Variants in ZCCHC4 observed in about 807,000 individuals in gnomAD.
ZCCHC4 encodes zinc finger CCHC-type containing 4.
ZCCHC4 carries 54 observed loss-of-function variants against 67.7 expected under a neutral mutation model. That is an observed-to-expected ratio of 0.80 (90% CI 0.64 to 1.00). ZCCHC4 has a LOEUF of 1.00. ZCCHC4 is among the 50% of genes least tolerant of loss of function. ZCCHC4 has a pLI of 0.00. For missense variants in ZCCHC4, 609 were observed against 617.0 expected (o/e 0.99, Z 0.14); for synonymous variants, 198 against 213.5 (o/e 0.93, Z 0.63).
intron 3 of ZCCHC4, among the ~76,000 whole-genome samples, chr4:25,331,147 C>A (rs1042042573): frequency 6.6e-6 from 1 of 152,196 alleles, no homozygotes; most frequent in Admixed American, 6.5e-5. Context: ...GTACCACTCA[C>A]CTCTGTTCCC....
chr4:25,328,227 C>T (rs992585449), intron 3 of ZCCHC4, among the ~76,000 whole-genome samples: 1 of 152,108 alleles, frequency 6.6e-6, no homozygotes, highest in Admixed American at 6.5e-5. Flanking sequence ...TATCTCTGTT[C>T]GTCTGTACAG....
chr4:25,333,817 C>T lies in ZCCHC4; in HGVS notation c.606-91C>T, dbSNP rs901081729. The T allele has an allele frequency of 1.3e-5, 12 of 895,400 alleles. No homozygotes were observed. The Admixed American group carries it at 3.6e-4, about 27-fold the overall frequency. 55.5% of individuals were successfully genotyped at this position (895,400 alleles called of 1,614,324 possible). On this transcript the variant is annotated intron_variant, in intron 4 of 12. Transcript: ENST00000302874. ...TGTTTCATTGAAATATCATAAATACCAGAAGAACATTGATGGTTTTGTTGT... is the reference window on the plus strand; with the variant it reads ...TGTTTCATTGAAATATCATAAATACTAGAAGAACATTGATGGTTTTGTTGT...
intron 3 of ZCCHC4, among the ~76,000 whole-genome samples, chr4:25,316,416 C>A (rs1560395669): frequency 6.6e-6 from 1 of 152,212 alleles, no homozygotes; most frequent in Non-Finnish European, 1.5e-5. Context: ...AGTGGCTGCA[C>A]CATTTTACAT....
rs1289408370 is a variant in ZCCHC4, at chr4:25,333,826, A to C, written c.606-82A>C. Reference sequence around the variant, plus strand: ...GAAATATCATAAATACCAGAAGAACATTGATGGTTTTGTTGTTTGTTTGTT... The same window carrying C: ...GAAATATCATAAATACCAGAAGAACCTTGATGGTTTTGTTGTTTGTTTGTT... On this transcript the variant is annotated intron_variant, in intron 4 of 12. Transcript: ENST00000302874. The C allele has an allele frequency of 1.3e-5, 13 of 963,798 alleles. No individual in the cohort carries two copies. The East Asian group carries it at 3.4e-4, about 26-fold the overall frequency. 59.7% of individuals were successfully genotyped at this position (963,798 alleles called of 1,614,324 possible). A position where few individuals can be genotyped will look rare whatever the true frequency, so the allele number is the denominator to read the frequency against.
At position 25,362,249 on chromosome 4, in the gene ZCCHC4, A is replaced by G. The variant is rs767958045; in HGVS notation, c.1157A>G (p.Tyr386Cys). 1.2e-6 allele frequency: 2 copies of G among 1,611,556 alleles called. No individual in the cohort carries two copies. Among genetic ancestry groups the G allele is most frequent in the Non-Finnish European group, 1.7e-6 (2 of 1,178,546 alleles). ...GYRFCSPCQR[Y>C]VSLENQHCEL... ...AGATTTTGCTCTCCGTGTCAACGGTATGTTTCTCTAGAGAATCAACACTGT... is the reference window on the plus strand; with the variant it reads ...AGATTTTGCTCTCCGTGTCAACGGTGTGTTTCTCTAGAGAATCAACACTGT... Residue 386 changes from tyrosine (Y) to cysteine (C), a missense_variant, in exon 10 of 13, where the codon TAT becomes TGT. Coordinates refer to ENST00000302874, the MANE Select transcript of ZCCHC4 (RefSeq NM_024936.3).
intron 3 of ZCCHC4, among the ~76,000 whole-genome samples, chr4:25,324,292 G>A (rs113667170): frequency 0.014 from 2,101 of 152,052 alleles, 53 homozygotes; most frequent in African/African-American, 0.047. Flanking sequence ...TGGGATTACA[G>A]GCATGAGCCA....
chr4:25,366,420 A>G, intron 12 of ZCCHC4: 1 of 339,862 alleles, frequency 2.9e-6, no homozygotes, highest in Non-Finnish European at 4.1e-6. Context: ...GGTTCATGCC[A>G]TTCTCCTGCC....
At chr4:25,312,968 C>T (rs757250201) in intron 1 of ZCCHC4, 32 bp downstream of exon 1, 4 of 1,607,144 alleles carry the variant, frequency 2.5e-6, no homozygotes, top group Non-Finnish European at 3.4e-6. Context: ...GCCTAACTGC[C>T]GGGCGCTGAG....
At chr4:25,367,727 T>C (rs1268202310) in intron 12 of ZCCHC4, among the ~76,000 whole-genome samples, 1 of 152,202 alleles carries the variant, frequency 6.6e-6, no homozygotes, top group African/African-American at 2.4e-5. Context: ...CCCTAGTCCA[T>C]AGTGCAAAAT....
In ZCCHC4 at chr4:25,343,459, G is replaced by A. The variant is rs148524577; in HGVS notation, c.687-2089G>A. Among the ~76,000 whole-genome samples, 336 of 152,202 alleles carry A rather than the reference G, an allele frequency of 2.2e-3. 2 individuals carry two copies. The highest frequency in any genetic ancestry group is 7.7e-3 in the African/African-American group (319 of 41,524). ...GAGGCATTAAGACATAAATATTTAC[G>A]CTGCTAATTATTAAAATAACAGTAA... On this transcript the variant is annotated intron_variant, in intron 5 of 12. Transcript: ENST00000302874.
At chr4:25,367,827 T>C (rs1458217740) in intron 12 of ZCCHC4, among the ~76,000 whole-genome samples, 1 of 152,226 alleles carries the variant, frequency 6.6e-6, no homozygotes, top group Non-Finnish European at 1.5e-5. Context: ...TGAGTGATTA[T>C]TATATGGTTA....
intron 6 of ZCCHC4, among the ~76,000 whole-genome samples, chr4:25,347,923 A>G (rs926156102): frequency 1.3e-5 from 2 of 152,222 alleles, no homozygotes; most frequent in Admixed American, 6.5e-5. Flanking sequence ...GTAAGCAAGT[A>G]TCTATTTCCC....
At position 25,364,977 on chromosome 4, in the gene ZCCHC4, T is replaced by G. The variant is rs771752437; in HGVS notation, c.1262-45T>G. On this transcript the variant is annotated intron_variant, in intron 11 of 12. Transcript: ENST00000302874. ...CCTTAAAAGTTAATAAGATGAAAAA[T>G]TACGTTACATGAACTTCCTTTAAAA... 3 of 1,609,332 alleles carry G rather than the reference T, an allele frequency of 1.9e-6. No homozygotes were observed. The East Asian group carries it at 6.7e-5, about 36-fold the overall frequency.
chr4:25,354,905 C>CTTTTTT lies in ZCCHC4; in HGVS notation c.1011+3231_1011+3236dup, dbSNP rs61156499. On this transcript the variant is annotated intron_variant, in intron 8 of 12. Transcript: ENST00000302874. ...CTTTTCCCATAGACCTTGATTAGGC[C>CTTTTTT]TTTTTTTTTTTTTTTTTTTTGGACA... Among the ~76,000 whole-genome samples, 8 of 101,550 alleles carry CTTTTTT rather than the reference C, an allele frequency of 7.9e-5. 1 individual carries two copies. Among genetic ancestry groups the CTTTTTT allele is most frequent in the African/African-American group, 7.9e-5 (2 of 25,412 alleles). The allele number at this position is 101,550 out of a possible 152,430, so 66.6% of individuals were successfully genotyped here.
intron 3 of ZCCHC4, among the ~76,000 whole-genome samples, chr4:25,321,172 GTC>G (rs1033693174): frequency 6.6e-6 from 1 of 151,950 alleles, no homozygotes; most frequent in African/African-American, 2.4e-5. Context: ...TTCTCTGTCT[GTC>G]TCTTTCTTTC....
chr4:25,316,803 T>C (rs1209398847), intron 3 of ZCCHC4, among the ~76,000 whole-genome samples: 2 of 152,216 alleles, frequency 1.3e-5, no homozygotes, highest in Non-Finnish European at 2.9e-5. Context: ...ACACAAGAGT[T>C]TTAATTTTGA....
intron 10 of ZCCHC4, among the ~76,000 whole-genome samples, chr4:25,362,808 C>G (rs1197121578): frequency 6.6e-6 from 1 of 152,142 alleles, no homozygotes; most frequent in Non-Finnish European, 1.5e-5. Context: ...AAAGGGACAT[C>G]CTCCTATTTA....
intron 11 of ZCCHC4, 48 bp downstream of exon 11, chr4:25,364,553 G>GT: frequency 7.0e-7 from 1 of 1,427,258 alleles, no homozygotes; most frequent in Non-Finnish European, 9.5e-7. Context: ...ATATTTTAGA[G>GT]TTTTTCTCCA....
chr4:25,317,025 A>C (rs1254616416), intron 3 of ZCCHC4, among the ~76,000 whole-genome samples: 2 of 152,216 alleles, frequency 1.3e-5, no homozygotes, highest in Non-Finnish European at 2.9e-5. Flanking sequence ...TCATAGATGT[A>C]ATTTTTTGAC....
Sources: allele counts gnomAD v4.1 joint callset (sites outside exome capture counted in the v4.1 genomes callset), GRCh38; gene constraint gnomAD v4.1.1; transcripts MANE v1.5; gene names NCBI Gene and HGNC (gene_info 2026-07-23, HGNC 2026-07-21).